Variants in NUP93 observed in about 807,000 individuals in gnomAD.
The protein encoded by NUP93 is nuclear pore complex protein Nup93.
NUP93 carries 55 observed loss-of-function variants against 107.8 expected under a neutral mutation model. The ratio of observed to expected loss-of-function variants is 0.51; its 90% CI spans 0.41 to 0.64. The LOEUF (loss-of-function observed/expected upper bound fraction) is 0.64, where lower values mean the gene tolerates loss of function less well. Ranked by LOEUF, NUP93 falls within the 30% of genes least tolerant of loss-of-function variation. The pLI is 0.00. For missense variants in NUP93, 937 were observed against 1,044.7 expected (o/e 0.90, Z 1.42); for synonymous variants, 390 against 397.5 (o/e 0.98, Z 0.22).
At chr16:56,819,240 C>A (rs1439101504) in intron 6 of NUP93, among the ~76,000 whole-genome samples, 2 of 152,046 alleles carry the variant, frequency 1.3e-5, no homozygotes, top group Non-Finnish European at 2.9e-5. Flanking sequence ...TGAGGACCGC[C>A]CAATAGTATG....
At chr16:56,825,097 C>G (rs1026260093) in intron 8 of NUP93, among the ~76,000 whole-genome samples, 6 of 151,458 alleles carry the variant, frequency 4.0e-5, no homozygotes, top group African/African-American at 1.5e-4. Flanking sequence ...GGCTCTGTCA[C>G]CCATGCTGGA....
At chr16:56,841,533 A>T in intron 20 of NUP93, 172 bp from the exon 21 acceptor site, 1 of 719,736 alleles carries the variant, frequency 1.4e-6, no homozygotes, top group Non-Finnish European at 2.3e-6. Flanking sequence ...TTTTTCTCAC[A>T]CTTGATGTTT....
intron 6 of NUP93, among the ~76,000 whole-genome samples, chr16:56,819,600 G>A (rs1963502943): frequency 6.6e-6 from 1 of 152,172 alleles, no homozygotes; most frequent in Non-Finnish European, 1.5e-5. Context: ...CTGGAGTAGG[G>A]TGGTTGGAGA....
At chr16:56,831,756 T>G in intron 10 of NUP93, 86 bp from the exon 11 acceptor site, 1 of 1,363,254 alleles carries the variant, frequency 7.3e-7, no homozygotes, top group Non-Finnish European at 1.0e-6. Flanking sequence ...CCTGCTTTTA[T>G]GTGTTTGGGA....
chr16:56,820,305 ATTGATTGG>A (rs1396190050), intron 6 of NUP93, among the ~76,000 whole-genome samples: 1 of 152,216 alleles, frequency 6.6e-6, no homozygotes, highest in East Asian at 1.9e-4. Context: ...AAACCATTTT[ATTGATTGG>A]TTGGATGATT....
Position 56,841,804 on chromosome 16 carries a change from C to A in NUP93, c.2320C>A (p.Pro774Thr). The change falls in exon 21 of 22, where the codon CCC (proline) becomes ACC (threonine). Residue 774 changes from proline (P) to threonine (T), a missense_variant. Physicochemically the swap from Pro to Thr is conservative, Grantham distance 38. Transcript: ENST00000308159. ...KGTSPSSSSR[P>T]QRVIEDRDSQ... ...GACAAGTCCATCCTCGTCATCCAGG[C>A]CCCAGCGAGTCATCGAGGACCGCGA... 3 of 1,614,172 alleles carry A rather than the reference C, an allele frequency of 1.9e-6. No individual in the cohort carries two copies. Among genetic ancestry groups the A allele is most frequent in the Non-Finnish European group, 2.5e-6 (3 of 1,180,008 alleles).
intron 5 of NUP93, among the ~76,000 whole-genome samples, chr16:56,809,236 G>A (rs1322534943): frequency 6.6e-6 from 1 of 152,128 alleles, no homozygotes; most frequent in Non-Finnish European, 1.5e-5. Context: ...AGGGAGGACA[G>A]CCCTGGGCTT....
chr16:56,831,698 G>T lies in NUP93; in HGVS notation c.1086-144G>T, dbSNP rs571281513. ...GTTAAAGCGATGGTACCGAGGGGAG[G>T]GGATGGGGCAGAGACAGTGTCTCTT... On this transcript the variant is annotated intron_variant, in intron 10 of 21. Coordinates refer to ENST00000308159, the MANE Select transcript of NUP93 (RefSeq NM_014669.5). The T allele has an allele frequency of 2.4e-5, 18 of 744,596 alleles. No homozygotes were observed. The East Asian group carries it at 4.9e-4, about 20-fold the overall frequency. 46.1% of individuals were successfully genotyped at this position (744,596 alleles called of 1,614,324 possible). A position where few individuals can be genotyped will look rare whatever the true frequency, so the allele number is the denominator to read the frequency against.
At chr16:56,783,871 C>T in intron 3 of NUP93, 2 of 985,384 alleles carry the variant, frequency 2.0e-6, no homozygotes, top group Non-Finnish European at 2.4e-6. Context: ...CTTTTGTCTA[C>T]AGTAAGTATT....
chr16:56,796,681 T>C (rs1039154094), intron 3 of NUP93, among the ~76,000 whole-genome samples: 1 of 152,216 alleles, frequency 6.6e-6, no homozygotes, highest in African/African-American at 2.4e-5. Context: ...ACAGTTTCTT[T>C]AAAAAGCAAA....
chr16:56,780,378 A>C (rs1329869673), intron 3 of NUP93, among the ~76,000 whole-genome samples: 1 of 152,212 alleles, frequency 6.6e-6, no homozygotes, highest in Non-Finnish European at 1.5e-5. Flanking sequence ...TGAATAAAAC[A>C]AAGGAAATCA....
intron 5 of NUP93, 104 bp downstream of exon 5, chr16:56,805,736 C>T: frequency 8.1e-7 from 1 of 1,242,030 alleles, no homozygotes; most frequent in Non-Finnish European, 1.1e-6. Context: ...ACTGTCTTCC[C>T]CTTGAAACAC....
In NUP93 at chr16:56,792,539, G is replaced by C. The variant is rs1962791354; in HGVS notation, c.298-5937G>C. ...TGGTAGAGGCTCAAGAAACCGTTTT[G>C]TACAGCTCACTCAACTTTTAAATCT... On this transcript the variant is annotated intron_variant, in intron 3 of 21. Transcript: ENST00000308159. Among the ~76,000 whole-genome samples the C allele has an allele frequency of 2.0e-5, 3 of 152,302 alleles. No homozygotes were observed. In the South Asian group the frequency reaches 6.2e-4, roughly 32 times the overall value.
At chr16:56,778,036 C>G (rs1229358079) in intron 3 of NUP93, among the ~76,000 whole-genome samples, 2 of 152,148 alleles carry the variant, frequency 1.3e-5, no homozygotes, top group African/African-American at 4.8e-5. Flanking sequence ...GGAAGTTTGT[C>G]TTCTACCTAT....
chr16:56,748,577 A>G (rs1277841344), intron 2 of NUP93, 151 bp downstream of exon 2: 5 of 663,864 alleles, frequency 7.5e-6, no homozygotes, highest in Admixed American at 3.1e-5. Flanking sequence ...ACAGGACAGC[A>G]GCCTTGGTTT....
intron 9 of NUP93, among the ~76,000 whole-genome samples, chr16:56,829,663 A>G (rs1963739917): frequency 6.6e-6 from 1 of 152,228 alleles, no homozygotes; most frequent in Admixed American, 6.6e-5. Context: ...GGAAAAGAGT[A>G]TTCCAGGAGG....
chr16:56,791,445 G>GT (rs1301623873), intron 3 of NUP93, among the ~76,000 whole-genome samples: 4 of 152,144 alleles, frequency 2.6e-5, no homozygotes, highest in African/African-American at 9.7e-5. Flanking sequence ...GACACTGAAT[G>GT]TTTTTTTCAC....
At chr16:56,748,527 G>A (rs1270397554) in intron 2 of NUP93, 101 bp downstream of exon 2, 9 of 979,844 alleles carry the variant, frequency 9.2e-6, no homozygotes, top group Non-Finnish European at 7.3e-6. Flanking sequence ...GTGAATGACA[G>A]CCACTAGCCA....
chr16:56,807,833 C>T (rs558428007), intron 5 of NUP93, among the ~76,000 whole-genome samples: 4 of 151,730 alleles, frequency 2.6e-5, no homozygotes, highest in East Asian at 1.9e-4. Context: ...CCATCCTGGC[C>T]AACATGGTGA....
Sources: gnomAD v4.1 joint callset for allele counts (sites outside exome capture counted in the v4.1 genomes callset) on GRCh38, gnomAD v4.1.1 for gene constraint, MANE v1.5 for transcripts, NCBI Gene and HGNC (gene_info 2026-07-23, HGNC 2026-07-21) for gene names.